Variants in MITF observed in about 807,000 individuals in gnomAD.
MITF encodes microphthalmia-associated transcription factor.
A neutral mutation model predicts 60.5 loss-of-function variants in MITF; 17 were observed. The observed-to-expected ratio is 0.28, with a 90% CI of 0.19 to 0.42. The LOEUF (loss-of-function observed/expected upper bound fraction) is 0.42. Ranked by LOEUF, MITF falls within the 10% of genes least tolerant of loss-of-function variation. The probability of loss-of-function intolerance (pLI) is 1.00; values close to 1 mark genes in which losing one functional copy is unlikely to be tolerated. For synonymous variants in MITF, 260 were observed against 248.5 expected (o/e 1.05, Z -0.43); for missense variants, 622 against 683.5 (o/e 0.91, Z 1.00).
chr3:69,776,588 C>T (rs563665673), intron 1 of MITF, among the ~76,000 whole-genome samples: 6 of 152,238 alleles, frequency 3.9e-5, no homozygotes, highest in South Asian at 2.1e-4. Flanking sequence ...GCTATATATA[C>T]GTTTGTTGCG....
intron 2 of MITF, 124 bp downstream of exon 2, chr3:69,879,507 C>A: frequency 6.7e-7 from 1 of 1,495,656 alleles, no homozygotes; most frequent in Non-Finnish European, 9.1e-7. Context: ...TTGAAAACTC[C>A]AACTCCCTTA....
intron 2 of MITF, among the ~76,000 whole-genome samples, chr3:69,916,313 A>G (rs566742138): frequency 6.6e-6 from 1 of 152,172 alleles, no homozygotes; most frequent in Admixed American, 6.5e-5. Flanking sequence ...AATTTTCATT[A>G]TTTTGAAAAA....
At chr3:69,911,008 G>A (rs907315490) in intron 2 of MITF, among the ~76,000 whole-genome samples, 3 of 152,026 alleles carry the variant, frequency 2.0e-5, no homozygotes, top group African/African-American at 7.2e-5. Flanking sequence ...ATCTCAACTT[G>A]AATTGTATCT....
chr3:69,892,778 A>G (rs533540282), intron 2 of MITF, among the ~76,000 whole-genome samples: 4 of 152,312 alleles, frequency 2.6e-5, no homozygotes, highest in Admixed American at 6.5e-5. Context: ...TAGGCCCTTC[A>G]TGGTCTGTCT....
chr3:69,806,385 C>A (rs1044263920), intron 1 of MITF, among the ~76,000 whole-genome samples: 7 of 151,916 alleles, frequency 4.6e-5, no homozygotes, highest in Admixed American at 4.6e-4. Context: ...TGCACCCGGC[C>A]CATTTTACTA....
chr3:69,943,470 C>G (rs1379834653), intron 5 of MITF, among the ~76,000 whole-genome samples: 1 of 152,066 alleles, frequency 6.6e-6, no homozygotes, highest in Non-Finnish European at 1.5e-5. Flanking sequence ...ATGTGGTCAA[C>G]TCACTTGGTA....
At chr3:69,833,146 C>T (rs2063479125) in intron 1 of MITF, among the ~76,000 whole-genome samples, 1 of 151,138 alleles carries the variant, frequency 6.6e-6, no homozygotes, top group South Asian at 2.1e-4. Flanking sequence ...GGTTGCTTTC[C>T]TGTTCACATT....
intron 2 of MITF, among the ~76,000 whole-genome samples, chr3:69,930,196 T>C (rs1361794890): frequency 6.6e-6 from 1 of 152,092 alleles, no homozygotes; most frequent in African/African-American, 2.4e-5. Context: ...CAGAGACCTC[T>C]GTTCTGGGGT....
At chr3:69,945,984 A>G (rs981458936) in intron 5 of MITF, among the ~76,000 whole-genome samples, 2 of 152,216 alleles carry the variant, frequency 1.3e-5, no homozygotes, top group Non-Finnish European at 2.9e-5. Context: ...AGTAATTAAC[A>G]TAGCAAGTGG....
intron 1 of MITF, among the ~76,000 whole-genome samples, chr3:69,837,600 G>A (rs2063559694): frequency 6.6e-6 from 1 of 152,124 alleles, no homozygotes; most frequent in South Asian, 2.1e-4. Context: ...GATCTAACTG[G>A]GAGAAAAACA....
At chr3:69,839,988 GAAT>G (rs1385816661) in intron 1 of MITF, among the ~76,000 whole-genome samples, 2 of 151,316 alleles carry the variant, frequency 1.3e-5, no homozygotes, top group African/African-American at 2.4e-5. Context: ...AGTAATTCTT[GAAT>G]ATTTTGGGTA....
intron 1 of MITF, among the ~76,000 whole-genome samples, chr3:69,820,542 T>C (rs1421007301): frequency 6.6e-6 from 1 of 152,232 alleles, no homozygotes; most frequent in Non-Finnish European, 1.5e-5. Flanking sequence ...TCTCATTGTT[T>C]TATTTTTAAA....
intron 9 of MITF, among the ~76,000 whole-genome samples, chr3:69,962,228 T>C (rs1244610211): frequency 6.6e-6 from 1 of 151,996 alleles, no homozygotes; most frequent in African/African-American, 2.4e-5. Context: ...GTTTTCAGTA[T>C]GGGCCTAAGG....
intron 1 of MITF, among the ~76,000 whole-genome samples, chr3:69,746,351 T>TA (rs1331961887): frequency 6.6e-6 from 1 of 152,116 alleles, no homozygotes; most frequent in African/African-American, 2.4e-5. Flanking sequence ...GACCTCAGTG[T>TA]AAAAAAATGT....
chr3:69,774,687 C>T (rs2106850912), intron 1 of MITF, among the ~76,000 whole-genome samples: 1 of 152,300 alleles, frequency 6.6e-6, no homozygotes, highest in African/African-American at 2.4e-5. Context: ...CTTTCCCAGA[C>T]TTTCCCCTTC....
intron 2 of MITF, among the ~76,000 whole-genome samples, chr3:69,899,097 G>A (rs570847405): frequency 3.2e-4 from 49 of 152,308 alleles, no homozygotes; most frequent in African/African-American, 1.0e-3. Context: ...GAGAACGGGG[G>A]AAGTGTTTGG....
At chr3:69,878,669 T>C (rs768236178) in intron 1 of MITF, among the ~76,000 whole-genome samples, 12 of 152,208 alleles carry the variant, frequency 7.9e-5, no homozygotes, top group Non-Finnish European at 1.6e-4. Context: ...AATCAATATT[T>C]GTTAGTAAAC....
intron 4 of MITF, among the ~76,000 whole-genome samples, chr3:69,940,698 T>G (rs1030446425): frequency 6.6e-6 from 1 of 152,146 alleles, no homozygotes; most frequent in Non-Finnish European, 1.5e-5. Flanking sequence ...GGTGTTTTCC[T>G]TCTGCAAGAA....
intron 2 of MITF, among the ~76,000 whole-genome samples, chr3:69,915,440 T>C (rs1387571479): frequency 6.6e-6 from 1 of 151,900 alleles, no homozygotes; most frequent in East Asian, 1.9e-4. Flanking sequence ...GAAATCCTAA[T>C]ACATGAAAAT....
Sources: allele counts gnomAD v4.1 joint callset (sites outside exome capture counted in the v4.1 genomes callset), GRCh38; gene constraint gnomAD v4.1.1; transcripts MANE v1.5; gene names NCBI Gene and HGNC (gene_info 2026-07-23, HGNC 2026-07-21).